Variants in DUSP10 observed in about 807,000 individuals in gnomAD.
The protein encoded by DUSP10 is dual specificity protein phosphatase 10.
Under a neutral mutation model 30.8 loss-of-function variants are expected in DUSP10, and 14 were observed. The ratio of observed to expected loss-of-function variants is 0.46; its 90% CI spans 0.30 to 0.71. DUSP10 has a LOEUF of 0.71. DUSP10 is among the 30% of genes least tolerant of loss of function. The pLI is 0.08. For missense variants in DUSP10, 550 were observed against 619.4 expected, an observed-to-expected ratio of 0.89 and a Z score of 1.19; for synonymous variants, 254 against 250.4, an observed-to-expected ratio of 1.01 and a Z score of -0.14.
chr1:221,726,559 G>A (rs923394539), intron 2 of DUSP10, among the ~76,000 whole-genome samples: 2 of 152,048 alleles, frequency 1.3e-5, no homozygotes, highest in Admixed American at 6.5e-5. Context: ...CAGTCAGGGC[G>A]GGATTAGTAA....
At chr1:221,714,356 C>A (rs1241611944) in intron 2 of DUSP10, among the ~76,000 whole-genome samples, 1 of 152,284 alleles carries the variant, frequency 6.6e-6, no homozygotes, top group East Asian at 1.9e-4. Flanking sequence ...TAAAGTTGAG[C>A]TGCAGACACA....
Position 221,726,457 on chromosome 1 carries a change from G to A in DUSP10, c.811+12477C>T, listed in dbSNP as rs74144914. Among the ~76,000 whole-genome samples, 786 of 152,268 alleles carry A rather than the reference G, an allele frequency of 5.2e-3. 4 individuals carry two copies. The highest frequency in any genetic ancestry group is 0.018 in the African/African-American group (743 of 41,562). On this transcript the variant is annotated intron_variant, in intron 2 of 3. Transcript: ENST00000366899. ...AGCAAAAGTACATGCAATATAAAGT[G>A]AAAATGAATTTCAGTTACTATGTGA... is the stretch of plus-strand genomic sequence containing the variant.
intron 2 of DUSP10, among the ~76,000 whole-genome samples, chr1:221,731,012 C>A (rs921305259): frequency 3.9e-5 from 6 of 151,960 alleles, no homozygotes. Context: ...ATTTTTAAAT[C>A]TTTTATAATG....
At chr1:221,715,349 T>G (rs910913279) in intron 2 of DUSP10, among the ~76,000 whole-genome samples, 1 of 152,070 alleles carries the variant, frequency 6.6e-6, no homozygotes, top group Non-Finnish European at 1.5e-5. Context: ...CTCACCACCC[T>G]CCCCTCCTGG....
At chr1:221,733,066 T>C (rs1419911518) in intron 2 of DUSP10, among the ~76,000 whole-genome samples, 3 of 152,240 alleles carry the variant, frequency 2.0e-5, no homozygotes, top group Non-Finnish European at 2.9e-5. Context: ...ATATCACACA[T>C]TCATGCCCAA....
In DUSP10 at chr1:221,706,826, A is replaced by C. The variant is rs1180406423; in HGVS notation, c.812-360T>G. On this transcript the variant is annotated intron_variant, in intron 2 of 3. Transcript: ENST00000366899. This position sits in a 1 kb window ranked among gnomAD's most constrained non-coding sequence, Gnocchi z 4.6. ...GAGCCATATGCTCAGTGGCCTACAT[A>C]GAACCCTGTGCTTTGGGAGCCAAGA... Among the ~76,000 whole-genome samples the C allele has an allele frequency of 6.6e-6, 1 of 152,102 alleles. No homozygotes were observed. Among genetic ancestry groups the C allele is most frequent in the Admixed American group, 6.5e-5 (1 of 15,276 alleles).
At position 221,706,894 on chromosome 1, in the gene DUSP10, G is replaced by A. The variant is rs1660785569; in HGVS notation, c.812-428C>T. Among the ~76,000 whole-genome samples, 1 of 152,208 alleles carries A rather than the reference G, an allele frequency of 6.6e-6. No homozygotes were observed. Among genetic ancestry groups the A allele is most frequent in the African/African-American group, 2.4e-5 (1 of 41,448 alleles). The stretch of plus-strand genomic sequence containing the variant: ...CTCGGGTGGAATCTCAGCACCACAG[G>A]AGCATGTCTTGCACCCTTCATAGCT... On this transcript the variant is annotated intron_variant, in intron 2 of 3. Transcript: ENST00000366899. This position sits in a 1 kb window ranked among gnomAD's most constrained non-coding sequence, Gnocchi z 4.6.
At chr1:221,719,295 G>A (rs929973776) in intron 2 of DUSP10, among the ~76,000 whole-genome samples, 1 of 152,186 alleles carries the variant, frequency 6.6e-6, no homozygotes, top group African/African-American at 2.4e-5. Context: ...AATATAATGA[G>A]CAAGGCTGAG....
At chr1:221,719,350 TA>T (rs1661211925) in intron 2 of DUSP10, among the ~76,000 whole-genome samples, 2 of 152,126 alleles carry the variant, frequency 1.3e-5, no homozygotes, top group African/African-American at 4.8e-5. Context: ...GGGCTTTCCT[TA>T]AACATGGACT....
intron 2 of DUSP10, among the ~76,000 whole-genome samples, chr1:221,719,527 A>T (rs1459399998): frequency 6.6e-6 from 1 of 152,080 alleles, no homozygotes; most frequent in Non-Finnish European, 1.5e-5. Flanking sequence ...GATTAGGGGG[A>T]AAACAAAACA....
intron 2 of DUSP10, among the ~76,000 whole-genome samples, chr1:221,713,564 G>A (rs1661009086): frequency 6.6e-6 from 1 of 151,336 alleles, no homozygotes; most frequent in Admixed American, 6.6e-5. Context: ...AATAAGTTGA[G>A]GTGTTTACAG....
rs1660649596 is a variant in DUSP10 at position 221,702,943 on chromosome 1, CAGTTT to C, written c.1184-271_1184-267del. 6.6e-6 allele frequency among the ~76,000 whole-genome samples: 1 copy of C among 152,140 alleles called. No homozygotes were observed. The highest frequency in any genetic ancestry group is 2.4e-5 in the African/African-American group (1 of 41,414). ...TAAATGAAAGAATTGCTCATAGGAA[CAGTTT>C]GCTGCACAGGTGACAGCAGTGGCCG... On this transcript the variant is annotated intron_variant, in intron 3 of 3. Transcript: ENST00000366899. The surrounding 1 kb of genome is among the most constrained non-coding windows in gnomAD (Gnocchi z 4.5).
intron 2 of DUSP10, among the ~76,000 whole-genome samples, chr1:221,714,482 A>G (rs1661036891): frequency 1.3e-5 from 2 of 152,154 alleles, no homozygotes; most frequent in South Asian, 4.1e-4. Context: ...CGTGTACAGT[A>G]AGGAGCAGAC....
intron 2 of DUSP10, among the ~76,000 whole-genome samples, chr1:221,717,891 C>T (rs1558120632): frequency 6.6e-6 from 1 of 152,130 alleles, no homozygotes; most frequent in Non-Finnish European, 1.5e-5. Context: ...CAGTCTACGG[C>T]ATTTGGTTAA....
chr1:221,713,359 C>A (rs117171825), intron 2 of DUSP10, among the ~76,000 whole-genome samples: 1 of 152,182 alleles, frequency 6.6e-6, no homozygotes, highest in South Asian at 2.1e-4. Flanking sequence ...CCCTTGAAAA[C>A]CTCATTATAT....
intron 2 of DUSP10, among the ~76,000 whole-genome samples, chr1:221,718,689 C>T (rs2102630903): frequency 6.6e-6 from 1 of 152,332 alleles, no homozygotes; most frequent in Admixed American, 6.5e-5. Context: ...CTATTCATTA[C>T]ACAAACCCAC....
At chr1:221,713,611 A>G (rs1661010639) in intron 2 of DUSP10, among the ~76,000 whole-genome samples, 1 of 152,206 alleles carries the variant, frequency 6.6e-6, no homozygotes, top group Admixed American at 6.5e-5. Context: ...CTTAGTTTCA[A>G]CAACTTATTA....
At chr1:221,703,803 G>C (rs1246861698) in intron 3 of DUSP10, among the ~76,000 whole-genome samples, 1 of 152,094 alleles carries the variant, frequency 6.6e-6, no homozygotes, top group Non-Finnish European at 1.5e-5. Context: ...AAGGAGAAGG[G>C]GTAGAGAGAG....
At chr1:221,717,316 G>C (rs1429585813) in intron 2 of DUSP10, among the ~76,000 whole-genome samples, 2 of 152,146 alleles carry the variant, frequency 1.3e-5, no homozygotes, top group Non-Finnish European at 2.9e-5. Context: ...AGAGGGGAAG[G>C]AAGGGAGGCA....
Sources: allele counts gnomAD v4.1 joint callset (sites outside exome capture counted in the v4.1 genomes callset), GRCh38; gene constraint gnomAD v4.1.1; non-coding constraint Gnocchi (gnomAD v3.1); transcripts MANE v1.5; gene names NCBI Gene and HGNC (gene_info 2026-07-23, HGNC 2026-07-21).